Variants in OR3A2 observed in about 807,000 individuals in gnomAD.
OR3A2 encodes the protein olfactory receptor family 3 subfamily A member 2, also known as olfactory receptor 3A2.
For synonymous variants in OR3A2, 126 were observed against 159.3 expected, an observed-to-expected ratio of 0.79 and a Z score of 1.57; for missense variants, 318 against 392.8, an observed-to-expected ratio of 0.81 and a Z score of 1.61.
intron 3 of OR3A2, among the ~76,000 whole-genome samples, chr17:3,317,744 G>C (rs2049089927): frequency 6.6e-6 from 1 of 152,042 alleles, no homozygotes; most frequent in South Asian, 2.1e-4. Context: ...ATTGGGTTTT[G>C]AGTTGAAGGA....
chr17:3,322,277 G>T (rs2049130736), intron 3 of OR3A2, among the ~76,000 whole-genome samples: 2 of 151,468 alleles, frequency 1.3e-5, no homozygotes, highest in Admixed American at 1.3e-4. Flanking sequence ...TTCTTTATTA[G>T]TCTTGGTAGC....
intron 2 of OR3A2, among the ~76,000 whole-genome samples, chr17:3,377,271 A>G (rs2049692976): frequency 6.6e-6 from 1 of 152,178 alleles, no homozygotes; most frequent in South Asian, 2.1e-4. Flanking sequence ...AGCATTTCCC[A>G]GCCTCAGTTT....
chr17:3,327,918 C>G lies in OR3A2; in HGVS notation c.-85+8115G>C, dbSNP rs944344541. ...TCTGTTCTGTTCCATTGACCTATAT[C>G]TCTGTTTTGGTACCAGTACCATGCT... On this transcript the variant is annotated intron_variant, in intron 3 of 4. Coordinates refer to the OR3A2 transcript ENST00000573491. Among the ~76,000 whole-genome samples, 18 of 124,498 alleles carry G rather than the reference C, an allele frequency of 1.4e-4. 2 individuals carry two copies. The highest frequency in any genetic ancestry group is 4.5e-4 in the African/African-American group (13 of 28,860). The allele number at this position is 124,498 out of a possible 152,430, so 81.7% of individuals were successfully genotyped here.
At chr17:3,365,114 A>C (rs2049551735) in intron 2 of OR3A2, among the ~76,000 whole-genome samples, 1 of 152,186 alleles carries the variant, frequency 6.6e-6, no homozygotes, top group Non-Finnish European at 1.5e-5. Context: ...TGGTGTCACT[A>C]CAGTTCACCA....
intron 2 of OR3A2, among the ~76,000 whole-genome samples, chr17:3,351,841 A>G: frequency 6.6e-6 from 1 of 152,152 alleles, no homozygotes. Flanking sequence ...AGAGATATAG[A>G]TCAATGGAAC....
At chr17:3,328,090 G>A (rs2049192864) in intron 3 of OR3A2, among the ~76,000 whole-genome samples, 1 of 145,920 alleles carries the variant, frequency 6.9e-6, no homozygotes, top group East Asian at 2.0e-4. Flanking sequence ...CCAATTCTGT[G>A]AAGAAAGTCA....
At chr17:3,320,435 A>C (rs969403300) in intron 3 of OR3A2, among the ~76,000 whole-genome samples, 1 of 137,204 alleles carries the variant, frequency 7.3e-6, no homozygotes, top group Non-Finnish European at 1.6e-5. Flanking sequence ...TTGGTGTTTT[A>C]GACATGAAGT....
rs142131382 is a variant in OR3A2 at position 3,362,801 on chromosome 17, A to T, written c.-179+21003T>A. ...CCTGGACATCCAGATGTTTCCATAC[A>T]TCCTCTGAAATCTAGGCAGAGGTTC... is the stretch of plus-strand genomic sequence containing the variant. On this transcript the variant is annotated intron_variant, in intron 2 of 4. Coordinates refer to the OR3A2 transcript ENST00000573491. 1.3e-4 allele frequency among the ~76,000 whole-genome samples: 20 copies of T among 151,836 alleles called. No individual in the cohort carries two copies. In the East Asian group the frequency reaches 3.5e-3, roughly 26 times the overall value.
rs61735160 is a variant in OR3A2 at position 3,386,253 on chromosome 17, C to A, written c.-403G>T. The A allele has an allele frequency of 1.5e-4, 59 of 398,742 alleles. No individual in the cohort carries two copies. Among genetic ancestry groups the A allele is most frequent in the African/African-American group, 7.2e-4 (35 of 48,740 alleles). 24.7% of individuals were successfully genotyped at this position (398,742 alleles called of 1,614,324 possible). A position where few individuals can be genotyped will look rare whatever the true frequency, so the allele number is the denominator to read the frequency against. ...AGATGTACTTCTTCGTGGCTCTGGG[C>A]ATCACCGAGAGCTACCTCCTGGCGG... On this transcript the variant is annotated 5_prime_UTR_variant, in exon 1 of 5. The change abolishes an upstream ATG in the 5' untranslated region. Transcript: ENST00000573491.
At chr17:3,320,556 T>C (rs1597337794) in intron 3 of OR3A2, among the ~76,000 whole-genome samples, 1 of 128,966 alleles carries the variant, frequency 7.8e-6, no homozygotes, top group South Asian at 2.8e-4. Flanking sequence ...AATTTTTGTA[T>C]AAGGTGTAAG....
intron 3 of OR3A2, among the ~76,000 whole-genome samples, chr17:3,332,608 C>T (rs2049246620): frequency 6.6e-6 from 1 of 152,184 alleles, no homozygotes; most frequent in African/African-American, 2.4e-5. Context: ...TCTGGCACTC[C>T]CTAGTGAGAT....
intron 1 of OR3A2, among the ~76,000 whole-genome samples, chr17:3,280,140 A>G (rs537669307): frequency 1.8e-4 from 28 of 152,220 alleles, no homozygotes; most frequent in African/African-American, 2.7e-4. Flanking sequence ...GTGCAGTTAC[A>G]TTCTGCATTG....
chr17:3,276,495 CT>C (rs1268046411), downstream of OR3A2, among the ~76,000 whole-genome samples: 2 of 152,164 alleles, frequency 1.3e-5, no homozygotes, highest in Non-Finnish European at 2.9e-5. Context: ...ATAATATCGT[CT>C]GAATGTTTCC....
chr17:3,327,860 T>C (rs1460310773), intron 3 of OR3A2, among the ~76,000 whole-genome samples: 1 of 141,302 alleles, frequency 7.1e-6, no homozygotes, highest in African/African-American at 2.9e-5. Flanking sequence ...AAAGATCAGA[T>C]AGCTGTAGAC....
chr17:3,332,149 A>T (rs1353219572), intron 3 of OR3A2, among the ~76,000 whole-genome samples: 1 of 152,204 alleles, frequency 6.6e-6, no homozygotes, highest in Non-Finnish European at 1.5e-5. Context: ...AAGTCTGCAG[A>T]GGTTACTGCT....
At chr17:3,370,609 T>G (rs2049605612) in intron 2 of OR3A2, among the ~76,000 whole-genome samples, 1 of 151,064 alleles carries the variant, frequency 6.6e-6, no homozygotes, top group Admixed American at 6.6e-5. Context: ...AGGTGTGAAC[T>G]TAGATTGTCT....
intron 3 of OR3A2, chr17:3,292,378 G>C: frequency 9.3e-6 from 15 of 1,614,114 alleles, no homozygotes; most frequent in Non-Finnish European, 1.3e-5. Context: ...AGCACTGATA[G>C]GTTCCCCAGG....
intron 2 of OR3A2, among the ~76,000 whole-genome samples, chr17:3,349,896 C>T (rs570946401): frequency 1.3e-5 from 2 of 151,968 alleles, no homozygotes; most frequent in South Asian, 4.2e-4. Context: ...AACCACTCAA[C>T]CATATGGAAA....
At chr17:3,319,968 G>A (rs1161552138) in intron 3 of OR3A2, among the ~76,000 whole-genome samples, 1 of 152,210 alleles carries the variant, frequency 6.6e-6, no homozygotes, top group Non-Finnish European at 1.5e-5. Context: ...CTTCCACAAT[G>A]GTTGAACTAG....
Sources: gnomAD v4.1 joint callset for allele counts (sites outside exome capture counted in the v4.1 genomes callset) on GRCh38, gnomAD v4.1.1 for gene constraint, MANE v1.5 for transcripts, NCBI Gene and HGNC (gene_info 2026-07-23, HGNC 2026-07-21) for gene names.